STOX2: variants seen among roughly 807,000 people sequenced by gnomAD.
STOX2 encodes the protein storkhead box 2.
STOX2 carries 28 observed loss-of-function variants against 60.9 expected under a neutral mutation model. The ratio of observed to expected loss-of-function variants is 0.46; its 90% CI spans 0.34 to 0.63. The LOEUF (loss-of-function observed/expected upper bound fraction) is 0.63. Among genes scored for constraint, STOX2 ranks in the 30% least tolerant of loss-of-function variants. The probability of loss-of-function intolerance (pLI) is 0.01; values close to 1 mark genes in which losing one functional copy is unlikely to be tolerated. For missense variants in STOX2, 1,024 were observed against 1,187.7 expected, an observed-to-expected ratio of 0.86 and a Z score of 2.03; for synonymous variants, 472 against 463.9, an observed-to-expected ratio of 1.02 and a Z score of -0.22.
intron 1 of STOX2, among the ~76,000 whole-genome samples, chr4:183,939,130 G>C (rs190416095): frequency 6.6e-6 from 1 of 152,152 alleles, no homozygotes; most frequent in Non-Finnish European, 1.5e-5. Context: ...TAATCATTTG[G>C]TGACTTGGAA....
intron 1 of STOX2, among the ~76,000 whole-genome samples, chr4:183,939,908 A>C (rs1742704714): frequency 6.6e-6 from 1 of 152,238 alleles, no homozygotes; most frequent in South Asian, 2.1e-4. Flanking sequence ...ATTTAAAGAT[A>C]GCATTTTTTT....
intron 1 of STOX2, among the ~76,000 whole-genome samples, chr4:183,831,501 CA>C (rs1739567236): frequency 6.8e-6 from 1 of 146,574 alleles, no homozygotes; most frequent in South Asian, 2.1e-4. Context: ...GAACTATGTA[CA>C]TTTTTTTTTT....
intron 1 of STOX2, among the ~76,000 whole-genome samples, chr4:183,880,664 T>C (rs919933157): frequency 6.6e-6 from 1 of 152,136 alleles, no homozygotes; most frequent in African/African-American, 2.4e-5. Context: ...TCTGATAAAA[T>C]GAGAGATGAA....
At chr4:183,837,789 T>A (rs1739752309) in intron 1 of STOX2, among the ~76,000 whole-genome samples, 1 of 152,182 alleles carries the variant, frequency 6.6e-6, no homozygotes, top group Admixed American at 6.5e-5. Flanking sequence ...TATTAAAATT[T>A]CATTCCTTTT....
intron 1 of STOX2, among the ~76,000 whole-genome samples, chr4:183,968,343 T>TACAC (rs60432446): frequency 0.12 from 17,838 of 145,430 alleles, 1,118 homozygotes; most frequent in African/African-American, 0.17. Context: ...TGCATATACC[T>TACAC]ACACACACAC....
chr4:183,966,222 A>AGCTG (rs1743562568), intron 1 of STOX2, among the ~76,000 whole-genome samples: 1 of 152,172 alleles, frequency 6.6e-6, no homozygotes, highest in African/African-American at 2.4e-5. Flanking sequence ...TGGGGCACAT[A>AGCTG]GCTGGGGAAG....
chr4:183,976,064 G>A (rs1732432985), intron 1 of STOX2, among the ~76,000 whole-genome samples: 1 of 152,214 alleles, frequency 6.6e-6, no homozygotes, highest in Non-Finnish European at 1.5e-5. Context: ...TGTAATCCCA[G>A]CACTTTGGGA....
intron 1 of STOX2, among the ~76,000 whole-genome samples, chr4:183,991,950 G>A (rs369700873): frequency 7.9e-5 from 12 of 152,154 alleles, no homozygotes; most frequent in East Asian, 3.8e-4. Flanking sequence ...TGAACCTAAA[G>A]TTTTGACTAC....
intron 1 of STOX2, among the ~76,000 whole-genome samples, chr4:183,925,831 G>T (rs1352003616): frequency 6.6e-6 from 1 of 152,074 alleles, no homozygotes; most frequent in Non-Finnish European, 1.5e-5. Context: ...TTTATAATTA[G>T]CATATCAATG....
At position 184,018,107 on chromosome 4, in the gene STOX2, T is replaced by A. The variant is rs1579563018; in HGVS notation, c.*823T>A. ...CAGCATTAGGTGATTGAAAAGGTGA[T>A]GTGGACTTGTAAAAGGTGTTACTCA... On this transcript the variant is annotated 3_prime_UTR_variant, in exon 4 of 4. Transcript: ENST00000308497. 1 of 152,228 alleles carries A rather than the reference T, an allele frequency of 6.6e-6. No individual in the cohort carries two copies. Among genetic ancestry groups the A allele is most frequent in the African/African-American group, 2.4e-5 (1 of 41,446 alleles). 9.4% of individuals were successfully genotyped at this position (152,228 alleles called of 1,614,324 possible).
chr4:183,861,958 G>A (rs1363265476), intron 1 of STOX2, among the ~76,000 whole-genome samples: 3 of 151,974 alleles, frequency 2.0e-5, no homozygotes, highest in Non-Finnish European at 2.9e-5. Flanking sequence ...ATCCCTCCCC[G>A]TCCACACGAT....
chr4:183,820,394 T>C (rs1739279703), intron 1 of STOX2, among the ~76,000 whole-genome samples: 1 of 152,212 alleles, frequency 6.6e-6, no homozygotes, highest in African/African-American at 2.4e-5. Flanking sequence ...GCTTCTCTCA[T>C]TGATGTCATT....
At chr4:183,970,843 A>G (rs998955345) in intron 1 of STOX2, among the ~76,000 whole-genome samples, 1 of 152,256 alleles carries the variant, frequency 6.6e-6, no homozygotes, top group African/African-American at 2.4e-5. Context: ...GAGTAGAATT[A>G]TAAGTATCCC....
intron 1 of STOX2, among the ~76,000 whole-genome samples, chr4:183,884,185 C>G (rs1371061687): frequency 1.3e-5 from 2 of 152,166 alleles, no homozygotes; most frequent in Admixed American, 1.3e-4. Flanking sequence ...TGATGCTTTT[C>G]TAAGGCACTG....
intron 1 of STOX2, among the ~76,000 whole-genome samples, chr4:183,985,453 C>T (rs28678779): frequency 0.085 from 12,966 of 152,150 alleles, 996 homozygotes; most frequent in African/African-American, 0.2. Context: ...CTCTGCCGTT[C>T]ACCAGCTCTG....
intron 1 of STOX2, among the ~76,000 whole-genome samples, chr4:183,899,940 T>C (rs1741427385): frequency 6.6e-6 from 1 of 152,184 alleles, no homozygotes; most frequent in South Asian, 2.1e-4. Flanking sequence ...CTAACTCTCT[T>C]ACTAGGGGCT....
chr4:183,921,723 T>A (rs566628336), intron 1 of STOX2, among the ~76,000 whole-genome samples: 2 of 152,346 alleles, frequency 1.3e-5, no homozygotes, highest in African/African-American at 2.4e-5. Flanking sequence ...TCACAAAGCT[T>A]TATGAAATAC....
At chr4:183,801,574 G>A (rs959708289) in intron 1 of STOX2, among the ~76,000 whole-genome samples, 35 of 152,188 alleles carry the variant, frequency 2.3e-4, no homozygotes, top group African/African-American at 8.2e-4. Context: ...GAGCTGGTAG[G>A]GGAGGTTTCC....
chr4:183,998,663 T>G (rs924250256), intron 1 of STOX2, among the ~76,000 whole-genome samples: 3 of 152,102 alleles, frequency 2.0e-5, no homozygotes, highest in Admixed American at 2.0e-4. Flanking sequence ...CAGCTCAGCC[T>G]CCCAAGCAGC....
Sources: allele counts gnomAD v4.1 joint callset (sites outside exome capture counted in the v4.1 genomes callset), GRCh38; gene constraint gnomAD v4.1.1; transcripts MANE v1.5; gene names NCBI Gene and HGNC (gene_info 2026-07-23, HGNC 2026-07-21).